Variants in PHF10 observed in about 807,000 individuals in gnomAD.
PHF10 encodes the protein BRG1-associated factor 45a.
A neutral mutation model predicts 68.5 loss-of-function variants in PHF10; 51 were observed. The ratio of observed to expected loss-of-function variants is 0.74; its 90% CI spans 0.59 to 0.94. The LOEUF is 0.94. PHF10 is among the 40% of genes least tolerant of loss of function. PHF10 has a pLI of 0.00. For synonymous variants in PHF10, 204 were observed against 203.5 expected, an observed-to-expected ratio of 1.00 and a Z score of -0.02; for missense variants, 460 against 602.6, an observed-to-expected ratio of 0.76 and a Z score of 2.48.
chr6:169,715,076 A>G (rs573467401), intron 6 of PHF10, among the ~76,000 whole-genome samples: 1 of 152,306 alleles, frequency 6.6e-6, no homozygotes, highest in South Asian at 2.1e-4. Flanking sequence ...CTCACTACTT[A>G]ACAGCAGAGT....
intron 8 of PHF10, 96 bp downstream of exon 8, chr6:169,712,290 C>T (rs1452451765): frequency 2.8e-6 from 3 of 1,060,802 alleles, no homozygotes; most frequent in African/African-American, 3.2e-5. Context: ...TTACATGCAA[C>T]CATCCTTTTT....
chr6:169,714,974 A>G, intron 6 of PHF10, 132 bp from the exon 7 acceptor site: 1 of 639,414 alleles, frequency 1.6e-6, no homozygotes, highest in Non-Finnish European at 2.8e-6. Context: ...AGATATCAGG[A>G]GCTATAACCT....
chr6:169,715,682 G>A (rs371924223), intron 6 of PHF10, 26 bp downstream of exon 6: 11 of 1,597,666 alleles, frequency 6.9e-6, no homozygotes, highest in Admixed American at 6.7e-5. Context: ...CTAAGTTCAG[G>A]GGGTACTAAA....
chr6:169,714,618 T>A (rs1370729206), intron 7 of PHF10, 115 bp downstream of exon 7: 1 of 690,934 alleles, frequency 1.4e-6, no homozygotes, highest in East Asian at 2.5e-5. Context: ...ACAAATCCTA[T>A]ACGATATCTT....
chr6:169,718,697 A>G (rs960544240), intron 3 of PHF10, 91 bp downstream of exon 3: 2 of 793,258 alleles, frequency 2.5e-6, no homozygotes, highest in Non-Finnish European at 4.0e-6. Context: ...ACAAGAATAT[A>G]AAATATAATC....
chr6:169,717,826 G>C lies in PHF10; in HGVS notation c.406C>G (p.Leu136Val). The change falls in exon 4 of 12, where the codon CTA (leucine) becomes GTA (valine). Residue 136 changes from leucine (L) to valine (V), a missense_variant. Leu to Val is a conservative substitution (Grantham distance 32). Around this residue, in one of 3 missense-constraint regions of PHF10, gnomAD observed 256 missense variants for 410.5 expected, o/e 0.62. Transcript: ENST00000339209. ...CACATTAAAAAGCTATTCTTACCTA[G>C]AGTGCACTGAGTTTCAGTAATGACA... ...LNVITETQCT[L>V]GLTALRSDEV... 1.4e-6 allele frequency: 2 copies of C among 1,405,686 alleles called. No individual in the cohort carries two copies. 87.1% of individuals were successfully genotyped at this position (1,405,686 alleles called of 1,614,324 possible). A position where few individuals can be genotyped will look rare whatever the true frequency, so the allele number is the denominator to read the frequency against.
rs1292742192 is a variant in PHF10 at position 169,712,373 on chromosome 6, GAA to G, written c.957+11_957+12del. On this transcript the variant is annotated intron_variant, in intron 8 of 11. Coordinates refer to ENST00000339209, the MANE Select transcript of PHF10 (RefSeq NM_018288.4). ...GAAAGGAAATGCTTCCTACTAGAGA[GAA>G]ATGTTCTCACCGAAGTGCCTTTATT... The G allele has an allele frequency of 3.1e-6, 5 of 1,610,946 alleles. No homozygotes were observed. The African/African-American group carries it at 6.7e-5, about 22-fold the overall frequency.
In PHF10 at chr6:169,705,498, T is replaced by G; in HGVS notation, c.1222+118A>C. 3 of 738,132 alleles carry G rather than the reference T, an allele frequency of 4.1e-6. No individual in the cohort carries two copies. The South Asian group carries it at 4.9e-5, about 12-fold the overall frequency. 45.7% of individuals were successfully genotyped at this position (738,132 alleles called of 1,614,324 possible). A position where few individuals can be genotyped will look rare whatever the true frequency, so the allele number is the denominator to read the frequency against. On this transcript the variant is annotated intron_variant, in intron 10 of 11. Transcript: ENST00000339209. ...TGGGCTGTGTCTATGCCTCACAAGC[T>G]ACCCTGTGTATTTAATTTGGTGACT...
At chr6:169,720,971 CA>C (rs199742183) in intron 2 of PHF10, 33 bp downstream of exon 2, 2 of 1,195,586 alleles carry the variant, frequency 1.7e-6, no homozygotes, top group Non-Finnish European at 2.4e-6. Context: ...AGGAACATCA[CA>C]AAAAATATTA....
chr6:169,705,828 G>C (rs2128328646), intron 9 of PHF10, 104 bp from the exon 10 acceptor site: 1 of 699,148 alleles, frequency 1.4e-6, no homozygotes, highest in South Asian at 1.6e-5. Context: ...TTGGTAACTT[G>C]CTAATGAGGA....
intron 11 of PHF10, 25 bp downstream of exon 11, chr6:169,705,108 T>C: frequency 6.4e-7 from 1 of 1,555,600 alleles, no homozygotes; most frequent in Non-Finnish European, 8.7e-7. Flanking sequence ...CCAAAGATAA[T>C]GTTTGCTCTT....
Position 169,716,869 on chromosome 6 carries a change from C to T in PHF10, c.410-781G>A, listed in dbSNP as rs200742021. On this transcript the variant is annotated intron_variant, in intron 4 of 11. Coordinates refer to ENST00000339209, the MANE Select transcript of PHF10 (RefSeq NM_018288.4). ...AAGTAGCTGGGACCACACGCACACACCATGCACTTAGCAAAGAACCTGCAA... is the reference window on the plus strand; with the variant it reads ...AAGTAGCTGGGACCACACGCACACATCATGCACTTAGCAAAGAACCTGCAA... Among the ~76,000 whole-genome samples the T allele has an allele frequency of 3.0e-4, 45 of 152,232 alleles. 1 individual carries two copies. The East Asian group carries it at 8.5e-3, about 29-fold the overall frequency.
At chr6:169,705,052 G>C in intron 11 of PHF10, 81 bp downstream of exon 11, 1 of 1,031,836 alleles carries the variant, frequency 9.7e-7, no homozygotes, top group Non-Finnish European at 1.4e-6. Flanking sequence ...TTCATGTCAT[G>C]ATAGCGTTTA....
Position 169,720,954 on chromosome 6 carries a change from G to A in PHF10, c.194+51C>T, listed in dbSNP as rs1335464412. ...TGGGGGAAAGGGAAGAGGATGTTAAGGCAAAGAGGAACATCACAAAAAATA... is the reference window on the plus strand; with the variant it reads ...TGGGGGAAAGGGAAGAGGATGTTAAAGCAAAGAGGAACATCACAAAAAATA... On this transcript the variant is annotated intron_variant, in intron 2 of 11. Transcript: ENST00000339209. The A allele has an allele frequency of 1.7e-5, 16 of 939,802 alleles. 1 individual carries two copies. The South Asian group carries it at 2.2e-4, about 13-fold the overall frequency. The allele number at this position is 939,802 out of a possible 1,614,324, so 58.2% of individuals were successfully genotyped here.
chr6:169,706,440 TAC>T (rs1221584139), intron 9 of PHF10, among the ~76,000 whole-genome samples: 1 of 152,048 alleles, frequency 6.6e-6, no homozygotes, highest in Admixed American at 6.6e-5. Flanking sequence ...ACTTAAAAAA[TAC>T]ACGAACACTC....
chr6:169,713,578 G>T (rs1469736383), intron 7 of PHF10, among the ~76,000 whole-genome samples: 1 of 143,778 alleles, frequency 7.0e-6, no homozygotes, highest in African/African-American at 2.6e-5. Context: ...CAGCCTGGGC[G>T]ACAGCGTGAG....
intron 9 of PHF10, chr6:169,709,072 CAAAA>C (rs551181752): frequency 8.4e-6 from 1 of 119,236 alleles, no homozygotes; most frequent in Non-Finnish European, 1.8e-5. Context: ...CTATAGGCTA[CAAAA>C]AAAAAAAAGA....
rs77811390 is a variant in PHF10 at position 169,717,909 on chromosome 6, C to T, written c.326-3G>A. ...AGACAAATCTCGTCGCTCTAAATCT[C>T]CAAAAAAAAGATCAAAAGACTATTA... On this transcript the variant is annotated splice_polypyrimidine_tract_variant and splice_region_variant and intron_variant, in intron 3 of 11. Coordinates refer to ENST00000339209, the MANE Select transcript of PHF10 (RefSeq NM_018288.4). 6.7e-7 allele frequency: 1 copy of T among 1,484,706 alleles called. No individual in the cohort carries two copies. Among genetic ancestry groups the T allele is most frequent in the Non-Finnish European group, 9.3e-7 (1 of 1,079,676 alleles). 92.0% of individuals were successfully genotyped at this position (1,484,706 alleles called of 1,614,324 possible). A position where few individuals can be genotyped will look rare whatever the true frequency, so the allele number is the denominator to read the frequency against.
intron 3 of PHF10, 83 bp from the exon 4 acceptor site, chr6:169,717,989 C>T (rs7760142): frequency 1 from 568,731 of 568,738 alleles, 284,362 homozygotes; most frequent in Middle Eastern, 1. Context: ...AAAACCTTGA[C>T]TTTTTAAAGT....
Sources: gnomAD v4.1 joint callset for allele counts (sites outside exome capture counted in the v4.1 genomes callset) on GRCh38, gnomAD v4.1.1 for gene constraint, gnomAD v4.1.1 regional missense constraint, MANE v1.5 for transcripts, NCBI Gene and HGNC (gene_info 2026-07-23, HGNC 2026-07-21) for gene names.